The following B4GALT7 variants were observed in gnomAD, a reference collection of about 807,000 sequenced individuals.
B4GALT7 encodes beta-1,4-galactosyltransferase 7.
In B4GALT7, 30 loss-of-function variants were observed where a neutral mutation model predicts 33.0. That is an observed-to-expected ratio of 0.91 (90% CI 0.68 to 1.23). B4GALT7 has a LOEUF of 1.23. B4GALT7 is among the 50% of genes most tolerant of loss of function. The pLI is 0.00. For synonymous variants in B4GALT7, 213 were observed against 187.2 expected (o/e 1.14, Z -1.13); for missense variants, 507 against 450.8 (o/e 1.12, Z -1.13).
rs765403750 is a variant in B4GALT7, at chr5:177,608,504, G to T, written c.640-35G>T. On this transcript the variant is annotated intron_variant, in intron 3 of 5. Coordinates refer to ENST00000029410, the MANE Select transcript of B4GALT7 (RefSeq NM_007255.3). This position sits in a 1 kb window ranked among gnomAD's most constrained non-coding sequence, Gnocchi z 4.1. ...GACCAAAGGCCCCCCCCCCCGGGAAGATGGGCCGAGTGACGCTGCTTGTCT... is the reference window on the plus strand; with the variant it reads ...GACCAAAGGCCCCCCCCCCCGGGAATATGGGCCGAGTGACGCTGCTTGTCT... 6.4e-7 allele frequency: 1 copy of T among 1,569,754 alleles called. No individual in the cohort carries two copies. Among genetic ancestry groups the T allele is most frequent in the Non-Finnish European group, 8.8e-7 (1 of 1,142,798 alleles).
intron 1 of B4GALT7, among the ~76,000 whole-genome samples, chr5:177,602,504 A>G (rs1004099544): frequency 2.2e-4 from 34 of 152,150 alleles, no homozygotes; most frequent in African/African-American, 8.0e-4. Flanking sequence ...TGGGAATACA[A>G]AAGTGGGAGC....
Position 177,600,154 on chromosome 5 carries a change from AGGCCGGGCC to A in B4GALT7, c.-48_-40del. 1 of 1,195,882 alleles carries A rather than the reference AGGCCGGGCC, an allele frequency of 8.4e-7. No homozygotes were observed. Among genetic ancestry groups the A allele is most frequent in the South Asian group, 3.5e-5 (1 of 28,634 alleles). The allele number at this position is 1,195,882 out of a possible 1,614,324, so 74.1% of individuals were successfully genotyped here. ...GGCGGAGGCGCCGCGTAGGCCCGGG[AGGCCGGGCC>A]GGCCGGGCTGCGAGCGCCTGCCCCA... is the stretch of plus-strand genomic sequence containing the variant. On this transcript the variant is annotated 5_prime_UTR_variant, in exon 1 of 6. Transcript: ENST00000029410. The surrounding 1 kb of genome is among the most constrained non-coding windows in gnomAD (Gnocchi z 4.4).
chr5:177,604,332 C>G lies in B4GALT7; in HGVS notation c.204C>G (p.Thr68=). The change falls in exon 2 of 6, where the codon ACC becomes ACG. Residue 68 remains threonine, a synonymous_variant. Transcript: ENST00000029410. Reference sequence around the variant, plus strand: ...CAGTCAGGGGACAAGGGCAGGAGACCTCGGGCCCTCCCCGTGCCTGCCCCC... The same window carrying G: ...CAGTCAGGGGACAAGGGCAGGAGACGTCGGGCCCTCCCCGTGCCTGCCCCC... ...ARAVRGQGQE[T]SGPPRACPPE... The G allele has an allele frequency of 6.2e-7, 1 of 1,610,778 alleles. No homozygotes were observed. The highest frequency in any genetic ancestry group is 1.1e-5 in the South Asian group (1 of 90,714).
intron 2 of B4GALT7, chr5:177,605,873 C>G (rs1767989732): frequency 2.0e-5 from 3 of 153,008 alleles, no homozygotes; most frequent in Non-Finnish European, 4.4e-5. Flanking sequence ...CTGCACCCAC[C>G]ATGGCACAGA....
intron 1 of B4GALT7, among the ~76,000 whole-genome samples, chr5:177,601,867 C>T (rs1767859343): frequency 6.6e-6 from 1 of 152,114 alleles, no homozygotes; most frequent in African/African-American, 2.4e-5. Context: ...GGGTTCAATC[C>T]AGTTGCTCTG....
rs888497337 is a variant in B4GALT7 at position 177,608,247 on chromosome 5, A to G, written c.640-292A>G. On this transcript the variant is annotated intron_variant, in intron 3 of 5. Transcript: ENST00000029410. This position sits in a 1 kb window ranked among gnomAD's most constrained non-coding sequence, Gnocchi z 4.1. ...AGGGGAATGGGGGAAGCAGAAATCAAGTAGGAGCTGGCGCTTCTGCCCATC... is the reference window on the plus strand; with the variant it reads ...AGGGGAATGGGGGAAGCAGAAATCAGGTAGGAGCTGGCGCTTCTGCCCATC... 3.2e-5 allele frequency: 15 copies of G among 464,038 alleles called. No individual in the cohort carries two copies. Among genetic ancestry groups the G allele is most frequent in the Non-Finnish European group, 5.5e-5 (14 of 253,786 alleles). The allele number at this position is 464,038 out of a possible 1,614,324, so 28.7% of individuals were successfully genotyped here. A position where few individuals can be genotyped will look rare whatever the true frequency, so the allele number is the denominator to read the frequency against.
At chr5:177,607,070 G>C in intron 2 of B4GALT7, 1 of 602,642 alleles carries the variant, frequency 1.7e-6, no homozygotes, top group South Asian at 1.9e-5. Flanking sequence ...TCAGTTCCTT[G>C]AGAACAGGGC....
chr5:177,609,573 A>G lies in B4GALT7; in HGVS notation c.862A>G (p.Asn288Asp). 6.2e-7 allele frequency: 1 copy of G among 1,613,750 alleles called. No individual in the cohort carries two copies. Residue 288 changes from asparagine to aspartate, a missense_variant, in exon 6 of 6, where the codon AAC (asparagine) becomes GAC (aspartate). Transcript: ENST00000029410. ...CAAGGTGGACAGGGAGGGAGGCCTG[A>G]ACACTGTGAAGTACCATGTGGCTTC... ...QFKVDREGGL[N>D]TVKYHVASRT...
chr5:177,609,008 A>G lies in B4GALT7; in HGVS notation c.822A>G (p.Gln274=). The G allele has an allele frequency of 6.2e-7, 1 of 1,610,872 alleles. No individual in the cohort carries two copies. The highest frequency in any genetic ancestry group is 8.5e-7 in the Non-Finnish European group (1 of 1,179,630). ...RKRDQKRIAA[Q]KQEQFKVDRE... ...GGGACCAGAAGCGCATCGCAGCTCA[A>G]AAACAGGTGCTGGCAGGGCTCCTCA... is the stretch of plus-strand genomic sequence containing the variant. The change falls in exon 5 of 6, where the codon CAA becomes CAG. Residue 274 remains glutamine, a synonymous_variant. Coordinates refer to ENST00000029410, the MANE Select transcript of B4GALT7 (RefSeq NM_007255.3).
In B4GALT7 at chr5:177,609,561, G is replaced by A. The variant is rs765821414; in HGVS notation, c.850G>A (p.Glu284Lys). The change falls in exon 6 of 6, where the codon GAG becomes AAG. Residue 284 changes from glutamate to lysine, a missense_variant. Glu to Lys is a moderately conservative substitution (Grantham distance 56). Coordinates refer to ENST00000029410, the MANE Select transcript of B4GALT7 (RefSeq NM_007255.3). ...QKQEQFKVDR[E>K]GGLNTVKYHV... ...CCAGGAGCAGTTCAAGGTGGACAGGGAGGGAGGCCTGAACACTGTGAAGTA... is the reference window on the plus strand; with the variant it reads ...CCAGGAGCAGTTCAAGGTGGACAGGAAGGGAGGCCTGAACACTGTGAAGTA... The A allele has an allele frequency of 1.4e-5, 23 of 1,613,440 alleles. No individual in the cohort carries two copies. In the East Asian group the frequency reaches 4.9e-4, roughly 34 times the overall value.
Position 177,600,353 on chromosome 5 carries a change from C to T in B4GALT7, c.50+93C>T, listed in dbSNP as rs891361001. On this transcript the variant is annotated intron_variant, in intron 1 of 5. Coordinates refer to ENST00000029410, the MANE Select transcript of B4GALT7 (RefSeq NM_007255.3). This position sits in a 1 kb window ranked among gnomAD's most constrained non-coding sequence, Gnocchi z 4.4. Reference sequence around the variant, plus strand: ...ATCTGGGAACCCGAGGCCATCACGTCTCCATGTCTGCGGGTTTCTGTGAGG... The same window carrying T: ...ATCTGGGAACCCGAGGCCATCACGTTTCCATGTCTGCGGGTTTCTGTGAGG... 9 of 1,060,058 alleles carry T rather than the reference C, an allele frequency of 8.5e-6. No individual in the cohort carries two copies. The highest frequency in any genetic ancestry group is 6.6e-5 in the East Asian group (2 of 30,476). 65.7% of individuals were successfully genotyped at this position (1,060,058 alleles called of 1,614,324 possible).
At position 177,600,250 on chromosome 5, in the gene B4GALT7, G is replaced by T; in HGVS notation, c.40G>T (p.Glu14Ter). 7 of 1,381,502 alleles carry T rather than the reference G, an allele frequency of 5.1e-6. No individual in the cohort carries two copies. Among genetic ancestry groups the T allele is most frequent in the South Asian group, 1.5e-5 (1 of 64,654 alleles). 85.6% of individuals were successfully genotyped at this position (1,381,502 alleles called of 1,614,324 possible). A position where few individuals can be genotyped will look rare whatever the true frequency, so the allele number is the denominator to read the frequency against. The change falls in exon 1 of 6, where the codon GAG becomes TAG. Residue 14 changes from glutamate (E) to a stop codon, truncating the protein, a stop_gained. Coordinates refer to ENST00000029410, the MANE Select transcript of B4GALT7 (RefSeq NM_007255.3). LOFTEE classifies it high-confidence loss of function. The surrounding 1 kb of genome is among the most constrained non-coding windows in gnomAD (Gnocchi z 4.4). ...GAGGAAAGCGGCGCAGCTGCCCTGG[G>T]AGGACGGCAGGTGAGCGGCGGCGGT... ...SRRKAAQLPW[E>*]DGRSGLLSGG...
At chr5:177,603,481 G>A (rs930345635) in intron 1 of B4GALT7, 1 of 528,156 alleles carries the variant, frequency 1.9e-6, no homozygotes, top group Non-Finnish European at 2.4e-6. Flanking sequence ...GCTGTACCCA[G>A]CCCTCATCTT....
intron 5 of B4GALT7, 95 bp downstream of exon 5, chr5:177,609,109 C>A: frequency 1.8e-6 from 2 of 1,123,354 alleles, no homozygotes; most frequent in Non-Finnish European, 2.6e-6. Flanking sequence ...CCCAAATGGT[C>A]CCATCCTCCC....
At chr5:177,609,453 C>A in intron 5 of B4GALT7, 87 bp from the exon 6 acceptor site, 1 of 1,525,646 alleles carries the variant, frequency 6.6e-7, no homozygotes, top group Non-Finnish European at 9.1e-7. Flanking sequence ...GACCACAGGA[C>A]CTCTGATGGC....
chr5:177,603,465 GC>G, intron 1 of B4GALT7: 2 of 659,002 alleles, frequency 3.0e-6, no homozygotes, highest in Non-Finnish European at 3.8e-6. Context: ...TGAAATCAGT[GC>G]CTGTGCTGTA....
chr5:177,607,142 A>G, intron 2 of B4GALT7, 160 bp from the exon 3 acceptor site: 1 of 693,398 alleles, frequency 1.4e-6, no homozygotes, highest in Non-Finnish European at 2.6e-6. Flanking sequence ...GTGGGTGCTT[A>G]GTAAATATGC....
chr5:177,605,205 A>C, intron 2 of B4GALT7: 1 of 353,814 alleles, frequency 2.8e-6, no homozygotes, highest in Non-Finnish European at 5.6e-6. Flanking sequence ...CCATCATTAA[A>C]ACCCTCCCTG....
intron 3 of B4GALT7, 124 bp downstream of exon 3, chr5:177,607,651 A>T: frequency 2.1e-6 from 2 of 954,528 alleles, no homozygotes; most frequent in Non-Finnish European, 3.2e-6. Context: ...CTAGCAGGAG[A>T]ACTTGGGAGC....
Sources: gnomAD v4.1 joint callset for allele counts (sites outside exome capture counted in the v4.1 genomes callset) on GRCh38, gnomAD v4.1.1 for gene constraint, Gnocchi (gnomAD v3.1) non-coding constraint, MANE v1.5 for transcripts, NCBI Gene and HGNC (gene_info 2026-07-23, HGNC 2026-07-21) for gene names.